Variants in GJB7 observed in about 807,000 individuals in gnomAD.
GJB7 encodes the protein gap junction protein beta 7, also known as gap junction beta-7 protein.
For synonymous variants in GJB7, 87 were observed against 95.2 expected, an observed-to-expected ratio of 0.91 and a Z score of 0.50; for missense variants, 253 against 256.8, an observed-to-expected ratio of 0.99 and a Z score of 0.10.
Position 87,284,258 on chromosome 6 carries a change from G to C in GJB7, c.655C>G (p.Gln219Glu). The change falls in exon 3 of 3, where the codon CAA becomes GAA. Residue 219 changes from glutamine to glutamate, a missense_variant. Gln to Glu is a conservative substitution (Grantham distance 29). Transcript: ENST00000525899. ...CCLQKYLKKPQVLSV is the reference protein window; with the variant it reads ...CCLQKYLKKPEVLSV ...TGTGGCACTCACACACTGAGGACTT[G>C]AGGTTTTTTTAAATATTTTTGGAGA... The C allele has an allele frequency of 8.7e-6, 14 of 1,613,408 alleles. 1 individual carries two copies. The highest frequency in any genetic ancestry group is 1.7e-4 in the Middle Eastern group (1 of 6,060).
intron 2 of GJB7, among the ~76,000 whole-genome samples, chr6:87,302,333 A>G (rs1451343483): frequency 6.6e-6 from 1 of 152,258 alleles, no homozygotes; most frequent in Admixed American, 6.5e-5. Flanking sequence ...AAGTCCTTAA[A>G]TGACCTCATG....
At chr6:87,308,041 T>C (rs1036306553) in intron 2 of GJB7, among the ~76,000 whole-genome samples, 6 of 152,150 alleles carry the variant, frequency 3.9e-5, no homozygotes, top group African/African-American at 1.4e-4. Flanking sequence ...GAATACTATG[T>C]AGCCATAAAA....
At chr6:87,286,874 T>G (rs1017748441) in intron 2 of GJB7, among the ~76,000 whole-genome samples, 2 of 152,250 alleles carry the variant, frequency 1.3e-5, no homozygotes, top group African/African-American at 4.8e-5. Flanking sequence ...GGTCACAAAG[T>G]AAGATGCAGA....
intron 2 of GJB7, among the ~76,000 whole-genome samples, chr6:87,293,653 T>G (rs1480748390): frequency 6.6e-6 from 1 of 152,220 alleles, no homozygotes; most frequent in Non-Finnish European, 1.5e-5. Context: ...CTGTTTGTGC[T>G]AAGACACCTT....
At chr6:87,298,929 A>G in intron 2 of GJB7, 1 of 443,996 alleles carries the variant, frequency 2.3e-6, no homozygotes, top group Non-Finnish European at 4.5e-6. Flanking sequence ...TAGCTGTTAC[A>G]ATAGGGCCAA....
At chr6:87,297,094 C>T (rs1326542901) in intron 2 of GJB7, among the ~76,000 whole-genome samples, 3 of 152,184 alleles carry the variant, frequency 2.0e-5, no homozygotes, top group Non-Finnish European at 2.9e-5. Context: ...TGTAATTTTT[C>T]CTTCATTGCA....
intron 2 of GJB7, among the ~76,000 whole-genome samples, chr6:87,316,109 AC>A (rs1173349214): frequency 1.3e-5 from 2 of 152,208 alleles, no homozygotes; most frequent in Admixed American, 1.3e-4. Flanking sequence ...TGGCCAAGGA[AC>A]AAGAAAACTT....
chr6:87,324,759 T>C (rs1245085030), intron 1 of GJB7, among the ~76,000 whole-genome samples: 1 of 152,190 alleles, frequency 6.6e-6, no homozygotes, highest in Non-Finnish European at 1.5e-5. Flanking sequence ...GTGGGCTCTT[T>C]TTTGGTTCCA....
intron 2 of GJB7, among the ~76,000 whole-genome samples, chr6:87,293,093 G>A (rs1288130332): frequency 2.6e-5 from 4 of 152,258 alleles, no homozygotes; most frequent in East Asian, 1.9e-4. Context: ...GTGCAGTGGC[G>A]CGATCTTGGC....
intron 2 of GJB7, among the ~76,000 whole-genome samples, chr6:87,304,961 G>C (rs1322350086): frequency 6.6e-6 from 1 of 152,176 alleles, no homozygotes; most frequent in Non-Finnish European, 1.5e-5. Flanking sequence ...AAAGGCCTTT[G>C]AGAAAATTCA....
chr6:87,284,623 T>C lies in GJB7; in HGVS notation c.290A>G (p.Tyr97Cys), dbSNP rs369321387. 117 of 1,614,082 alleles carry C rather than the reference T, an allele frequency of 7.2e-5. No homozygotes were observed. Among genetic ancestry groups the C allele is most frequent in the Non-Finnish European group, 9.2e-5 (108 of 1,180,052 alleles). Residue 97 changes from tyrosine (Y) to cysteine (C), a missense_variant, in exon 3 of 3, where the codon TAT becomes TGT. By Grantham distance (194) the Tyr-to-Cys change is radical. Coordinates refer to ENST00000525899, the MANE Select transcript of GJB7 (RefSeq NM_198568.3). ...GTGCCTTTTCTCTCTACCCTCATGA[T>C]AGGCTACATGTAAAACCACCAGAAG... is the stretch of plus-strand genomic sequence containing the variant. The part of the protein sequence containing the change: ...PSLLVVLHVA[Y>C]HEGREKRHRK...
chr6:87,310,955 G>A (rs60182652), intron 2 of GJB7, among the ~76,000 whole-genome samples: 10,697 of 152,200 alleles, frequency 0.07, 770 homozygotes, highest in African/African-American at 0.19. Flanking sequence ...AGTTCTTAGA[G>A]ATGATTCCAA....
chr6:87,315,672 T>C (rs539396701), intron 2 of GJB7, among the ~76,000 whole-genome samples: 3 of 151,716 alleles, frequency 2.0e-5, no homozygotes, highest in African/African-American at 4.8e-5. Context: ...GGGGTGTGCC[T>C]GTAGTTACTA....
At chr6:87,295,232 A>G (rs561608629) in intron 2 of GJB7, among the ~76,000 whole-genome samples, 1 of 152,354 alleles carries the variant, frequency 6.6e-6, no homozygotes, top group African/African-American at 2.4e-5. Flanking sequence ...ACATCTCAGA[A>G]CAACTACTTT....
chr6:87,306,050 G>A (rs1218119719), intron 2 of GJB7, among the ~76,000 whole-genome samples: 19 of 151,812 alleles, frequency 1.3e-4, no homozygotes, highest in South Asian at 2.1e-4. Context: ...AGACTTAAAC[G>A]TTAGACCTAA....
At chr6:87,286,936 T>C (rs201853912) in intron 2 of GJB7, among the ~76,000 whole-genome samples, 1 of 152,222 alleles carries the variant, frequency 6.6e-6, no homozygotes, top group East Asian at 1.9e-4. Flanking sequence ...TCTCAACACT[T>C]GCACCATACA....
At chr6:87,295,536 G>A (rs1383123765) in intron 2 of GJB7, among the ~76,000 whole-genome samples, 1 of 152,140 alleles carries the variant, frequency 6.6e-6, no homozygotes, top group African/African-American at 2.4e-5. Context: ...AAGAATGGAG[G>A]GGAAATACTC....
intron 2 of GJB7, among the ~76,000 whole-genome samples, chr6:87,295,306 A>G (rs1163898702): frequency 6.6e-6 from 1 of 152,228 alleles, no homozygotes; most frequent in Admixed American, 6.5e-5. Context: ...ATTCTCAGTT[A>G]TACCAGTAGT....
In GJB7 at chr6:87,284,535, G is replaced by C; in HGVS notation, c.378C>G (p.Ile126Met). The C allele has an allele frequency of 6.2e-7, 1 of 1,613,928 alleles. No individual in the cohort carries two copies. Among genetic ancestry groups the C allele is most frequent in the Middle Eastern group, 1.6e-4 (1 of 6,062 alleles). The stretch of plus-strand genomic sequence containing the variant: ...CAAAACCAGTTTTAACAATGAGGCT[G>C]ATAAGATAAGCGTACCATAGGCCCC... The part of the protein sequence containing the change: ...MDGGLWYAYL[I>M]SLIVKTGFEI... Residue 126 changes from isoleucine to methionine, a missense_variant, in exon 3 of 3, where the codon ATC becomes ATG. Ile to Met is a conservative substitution (Grantham distance 10). Transcript: ENST00000525899.
Sources: allele counts gnomAD v4.1 joint callset (sites outside exome capture counted in the v4.1 genomes callset), GRCh38; gene constraint gnomAD v4.1.1; transcripts MANE v1.5; gene names NCBI Gene and HGNC (gene_info 2026-07-23, HGNC 2026-07-21).